Variants in EYS observed in about 807,000 individuals in gnomAD.
The protein encoded by EYS is EGF-like photoreceptor maintenance factor.
In EYS, 250 loss-of-function variants were observed where a neutral mutation model predicts 282.1. The observed-to-expected ratio is 0.89, with a 90% CI of 0.80 to 0.98. The LOEUF (loss-of-function observed/expected upper bound fraction) is 0.98, where lower values mean the gene tolerates loss of function less well. Among genes scored for constraint, EYS ranks in the 50% least tolerant of loss-of-function variants. The pLI, the probability that EYS is intolerant of heterozygous loss-of-function variation, is 0.00. For synonymous variants in EYS, 1,355 were observed against 1,282.9 expected (o/e 1.06, Z -1.20); for missense variants, 4,016 against 3,709.0 (o/e 1.08, Z -2.15).
chr6:65,537,345 A>G (rs1767998178), intron 2 of EYS, among the ~76,000 whole-genome samples: 1 of 152,150 alleles, frequency 6.6e-6, no homozygotes, highest in Non-Finnish European at 1.5e-5. Flanking sequence ...TTAAAGTATA[A>G]TAATAAAAAA....
At chr6:64,071,848 G>T (rs1771592528) in intron 32 of EYS, among the ~76,000 whole-genome samples, 1 of 151,484 alleles carries the variant, frequency 6.6e-6, no homozygotes, top group African/African-American at 2.4e-5. Context: ...AGGAAAATTT[G>T]CATAAAAACA....
intron 31 of EYS, among the ~76,000 whole-genome samples, chr6:64,084,838 T>C (rs967722023): frequency 1.3e-5 from 2 of 152,150 alleles, no homozygotes; most frequent in African/African-American, 4.8e-5. Context: ...GTTAAGGCCA[T>C]CTTAGTCACT....
intron 31 of EYS, among the ~76,000 whole-genome samples, chr6:64,103,139 C>G (rs1212362845): frequency 6.6e-6 from 1 of 151,918 alleles, no homozygotes; most frequent in Non-Finnish European, 1.5e-5. Flanking sequence ...GAATCAAACT[C>G]CTAGAGGAAG....
At chr6:65,571,838 A>G (rs983058517) in intron 2 of EYS, among the ~76,000 whole-genome samples, 1 of 152,072 alleles carries the variant, frequency 6.6e-6, no homozygotes, top group Non-Finnish European at 1.5e-5. Flanking sequence ...ATGTTTATGG[A>G]TATAGGGTTT....
At chr6:64,610,071 C>A (rs959334294) in intron 24 of EYS, among the ~76,000 whole-genome samples, 4 of 151,860 alleles carry the variant, frequency 2.6e-5, no homozygotes, top group African/African-American at 9.7e-5. Flanking sequence ...AATTCTGTGC[C>A]CAACTCTCCA....
chr6:64,272,455 G>T (rs778630816), intron 30 of EYS, among the ~76,000 whole-genome samples: 6 of 152,154 alleles, frequency 3.9e-5, no homozygotes, highest in Non-Finnish European at 8.8e-5. Flanking sequence ...AGGAGCTCTT[G>T]TAAGTCAGCC....
chr6:64,842,273 T>C (rs1011899170), intron 19 of EYS, among the ~76,000 whole-genome samples: 2 of 151,464 alleles, frequency 1.3e-5, no homozygotes, highest in Non-Finnish European at 2.9e-5. Context: ...TGATCTGGTA[T>C]GCCATTATTT....
At chr6:65,525,571 T>G (rs763983363) in intron 2 of EYS, among the ~76,000 whole-genome samples, 12 of 152,240 alleles carry the variant, frequency 7.9e-5, no homozygotes, top group Non-Finnish European at 1.6e-4. Context: ...CCTGTCTTAT[T>G]GTTTGTTTCT....
At chr6:65,455,715 T>C (rs1210000531) in intron 5 of EYS, among the ~76,000 whole-genome samples, 4 of 152,032 alleles carry the variant, frequency 2.6e-5, no homozygotes, top group Admixed American at 1.3e-4. Context: ...AAATACAAAA[T>C]CTGAACAGAA....
chr6:65,198,716 T>C (rs1273805341), intron 12 of EYS, among the ~76,000 whole-genome samples: 1 of 152,088 alleles, frequency 6.6e-6, no homozygotes, highest in Non-Finnish European at 1.5e-5. Context: ...CTTTGAAAAA[T>C]GTATTTTCAT....
intron 29 of EYS, among the ~76,000 whole-genome samples, chr6:64,355,080 TAAAA>T (rs1771779992): frequency 5.3e-5 from 8 of 151,584 alleles, no homozygotes; most frequent in Non-Finnish European, 1.0e-4. Context: ...TTTCACTAAG[TAAAA>T]ATACTCATGA....
intron 28 of EYS, among the ~76,000 whole-genome samples, chr6:64,395,726 A>G (rs1773343176): frequency 6.6e-6 from 1 of 151,804 alleles, no homozygotes; most frequent in African/African-American, 2.4e-5. Flanking sequence ...TGGCACATGT[A>G]TACATATGTA....
chr6:65,642,848 C>T (rs910936543), intron 1 of EYS, among the ~76,000 whole-genome samples: 1 of 152,264 alleles, frequency 6.6e-6, no homozygotes, highest in South Asian at 2.1e-4. Context: ...TTATGGGAAA[C>T]ACCTAGCCTC....
At chr6:65,531,259 A>C (rs1428244794) in intron 2 of EYS, among the ~76,000 whole-genome samples, 3 of 152,202 alleles carry the variant, frequency 2.0e-5, no homozygotes, top group Admixed American at 6.5e-5. Flanking sequence ...TTATCTCTTA[A>C]AGGAAATGGC....
At chr6:65,474,503 A>G (rs565113706) in intron 5 of EYS, among the ~76,000 whole-genome samples, 1 of 152,230 alleles carries the variant, frequency 6.6e-6, no homozygotes, top group East Asian at 1.9e-4. Flanking sequence ...AAAAGTTAAT[A>G]CAGCTCATTG....
chr6:64,692,496 G>A (rs1770425616), intron 22 of EYS, among the ~76,000 whole-genome samples: 1 of 152,046 alleles, frequency 6.6e-6, no homozygotes, highest in Non-Finnish European at 1.5e-5. Flanking sequence ...AGATATTTTT[G>A]TTTTCATTGC....
chr6:64,920,373 A>G (rs1328312889), intron 15 of EYS, among the ~76,000 whole-genome samples: 1 of 152,176 alleles, frequency 6.6e-6, no homozygotes, highest in Non-Finnish European at 1.5e-5. Context: ...TTAGCTTTGA[A>G]CATAAACCTA....
At chr6:63,726,418 A>G (rs936122491) in intron 42 of EYS, 101 bp downstream of exon 42, 33 of 1,025,242 alleles carry the variant, frequency 3.2e-5, no homozygotes, top group Non-Finnish European at 4.5e-5. Context: ...AAAGCATCAA[A>G]TGTTTACATA....
intron 12 of EYS, among the ~76,000 whole-genome samples, chr6:65,107,627 T>C (rs1775081012): frequency 6.6e-6 from 1 of 151,788 alleles, no homozygotes; most frequent in Admixed American, 6.6e-5. Context: ...ACAGAACAAC[T>C]ACAAAACTAA....
Sources: allele counts gnomAD v4.1 joint callset (sites outside exome capture counted in the v4.1 genomes callset), GRCh38; gene constraint gnomAD v4.1.1; transcripts MANE v1.5; gene names NCBI Gene and HGNC (gene_info 2026-07-23, HGNC 2026-07-21).